GPR162: variants seen among roughly 807,000 people sequenced by gnomAD.
GPR162 encodes G protein-coupled receptor 162.
GPR162 carries 26 observed loss-of-function variants against 44.9 expected under a neutral mutation model. That is an observed-to-expected ratio of 0.58 (90% CI 0.42 to 0.80). The LOEUF is 0.80. Ranked by LOEUF, GPR162 falls within the 30% of genes least tolerant of loss-of-function variation. The probability of loss-of-function intolerance (pLI) is 0.00; values close to 1 mark genes in which losing one functional copy is unlikely to be tolerated. For missense variants in GPR162, 704 were observed against 802.3 expected (o/e 0.88, Z 1.48); for synonymous variants, 363 against 335.2 (o/e 1.08, Z -0.91).
chr12:6,826,531 C>T, intron 4 of GPR162, 122 bp from the exon 5 acceptor site: 2 of 1,115,642 alleles, frequency 1.8e-6, no homozygotes, highest in Non-Finnish European at 2.5e-6. Flanking sequence ...GCCAGGTTTG[C>T]CCACCGGAGC....
In GPR162 at chr12:6,823,660, G is replaced by A. The variant is rs909547583; in HGVS notation, c.-239G>A. On this transcript the variant is annotated 5_prime_UTR_variant, in exon 2 of 5. Transcript: ENST00000311268. ...TGCAGGGATGCTTAAGGAAGGCCCC[G>A]CCCAGTATGAAAGCTGAGGATTGCC... The A allele has an allele frequency of 4.2e-5, 48 of 1,133,918 alleles. No homozygotes were observed. Among genetic ancestry groups the A allele is most frequent in the South Asian group, 4.1e-4 (29 of 69,918 alleles). 70.2% of individuals were successfully genotyped at this position (1,133,918 alleles called of 1,614,324 possible). A position where few individuals can be genotyped will look rare whatever the true frequency, so the allele number is the denominator to read the frequency against.
intron 4 of GPR162, 139 bp from the exon 5 acceptor site, chr12:6,826,514 T>G: frequency 9.4e-7 from 1 of 1,068,022 alleles, no homozygotes; most frequent in Non-Finnish European, 1.3e-6. Context: ...CCTTCAGACC[T>G]CGTGGGGCCA....
rs782197731 is a variant in GPR162 at position 6,825,606 on chromosome 12, C to T, written c.990C>T (p.Tyr330=). ...CCTTCATCTGGTCCTGCGAGCGCTA[C>T]CGCGCCGACGTGCGCACAGTGTGGG... ...LPSFIWSCER[Y]RADVRTVWEQ... Residue 330 remains tyrosine, a synonymous_variant, in exon 3 of 5, where the codon TAC becomes TAT. Transcript: ENST00000311268. The T allele has an allele frequency of 3.1e-6, 5 of 1,596,402 alleles. No homozygotes were observed. Among genetic ancestry groups the T allele is most frequent in the Middle Eastern group, 3.3e-4 (2 of 6,052 alleles).
intron 2 of GPR162, chr12:6,825,034 A>T: frequency 1.5e-6 from 1 of 655,866 alleles, no homozygotes. Flanking sequence ...CAGTTCCACG[A>T]CCTGTCCTCC....
At chr12:6,825,096 CA>C (rs1296613416) in intron 2 of GPR162, 1 of 568,502 alleles carries the variant, frequency 1.8e-6, no homozygotes, top group Non-Finnish European at 3.2e-6. Flanking sequence ...ACCTCTCATC[CA>C]GCCGCTGGGC....
rs571939427 is a variant in GPR162, at chr12:6,822,712, GCTCC to G, written c.-431-739_-431-736del. On this transcript the variant is annotated intron_variant, in intron 1 of 4. Transcript: ENST00000311268. The surrounding 1 kb of genome is among the most constrained non-coding windows in gnomAD (Gnocchi z 4.2). ...TTTTCTTCTCAGCCTCCTATTCCCT[GCTCC>G]CTCCCTCCCTCCCTCCTCCAGTCCC... Among the ~76,000 whole-genome samples, 257 of 151,826 alleles carry G rather than the reference GCTCC, an allele frequency of 1.7e-3. 1 individual carries two copies. In the South Asian group the frequency reaches 0.027, roughly 16 times the overall value.
At position 6,825,754 on chromosome 12, in the gene GPR162, G is replaced by A. The variant is rs782274118; in HGVS notation, c.1057+81G>A. On this transcript the variant is annotated intron_variant, in intron 3 of 4. Coordinates refer to ENST00000311268, the MANE Select transcript of GPR162 (RefSeq NM_019858.2). ...GCCGCTCCTTCTCAGCCAGAGGATGGGCTGCCCTGGAGTGCCCCCTACTGG... is the reference window on the plus strand; with the variant it reads ...GCCGCTCCTTCTCAGCCAGAGGATGAGCTGCCCTGGAGTGCCCCCTACTGG... 1.5e-5 allele frequency: 19 copies of A among 1,296,328 alleles called. No homozygotes were observed. The African/African-American group carries it at 2.3e-4, about 16-fold the overall frequency. The allele number at this position is 1,296,328 out of a possible 1,614,324, so 80.3% of individuals were successfully genotyped here.
At position 6,823,715 on chromosome 12, in the gene GPR162, C is replaced by A. The variant is rs901062011; in HGVS notation, c.-184C>A. ...CTGACCCTCAGTCTCCTCCCCTGCC[C>A]TCTACATCTGCCCTCAGCTGGGTCC... On this transcript the variant is annotated 5_prime_UTR_variant, in exon 2 of 5. Coordinates refer to ENST00000311268, the MANE Select transcript of GPR162 (RefSeq NM_019858.2). 1.3e-6 allele frequency: 2 copies of A among 1,599,024 alleles called. No individual in the cohort carries two copies. The highest frequency in any genetic ancestry group is 1.7e-6 in the Non-Finnish European group (2 of 1,167,920).
rs981322690 is a variant in GPR162, at chr12:6,822,396, T to C, written c.-432+496T>C. Among the ~76,000 whole-genome samples, 2 of 152,180 alleles carry C rather than the reference T, an allele frequency of 1.3e-5. No individual in the cohort carries two copies. The highest frequency in any genetic ancestry group is 2.9e-5 in the Non-Finnish European group (2 of 68,018). The stretch of plus-strand genomic sequence containing the variant: ...AAGGGTGGGGGTGGACCAGGACCTC[T>C]TGGGGAAAGCAAGGGTCTGAGCTGC... On this transcript the variant is annotated intron_variant, in intron 1 of 4. Transcript: ENST00000311268. The surrounding 1 kb of genome is among the most constrained non-coding windows in gnomAD (Gnocchi z 4.2).
At position 6,822,924 on chromosome 12, in the gene GPR162, C is replaced by G. The variant is rs952639236; in HGVS notation, c.-431-544C>G. ...CCCGCCTTCAGGTTCCCTAGCACCC[C>G]CTTCGGTCCCAGACTCCTTTCTCCC... is the stretch of plus-strand genomic sequence containing the variant. On this transcript the variant is annotated intron_variant, in intron 1 of 4. Transcript: ENST00000311268. The surrounding 1 kb of genome is among the most constrained non-coding windows in gnomAD (Gnocchi z 4.2). Among the ~76,000 whole-genome samples, 2 of 152,214 alleles carry G rather than the reference C, an allele frequency of 1.3e-5. No homozygotes were observed. Among genetic ancestry groups the G allele is most frequent in the East Asian group, 3.8e-4 (2 of 5,198 alleles).
rs140533085 is a variant in GPR162, at chr12:6,822,661, A to T, written c.-432+761A>T. Among the ~76,000 whole-genome samples the T allele has an allele frequency of 1.0e-3, 152 of 152,126 alleles. No homozygotes were observed. Among genetic ancestry groups the T allele is most frequent in the Non-Finnish European group, 1.7e-3 (115 of 67,990 alleles). On this transcript the variant is annotated intron_variant, in intron 1 of 4. Transcript: ENST00000311268. This position sits in a 1 kb window ranked among gnomAD's most constrained non-coding sequence, Gnocchi z 4.2. ...GAAGAGTCAAGGTCTCCCCACGGGG[A>T]GTCAGCACCTTATTGAACATTTGGC... is the stretch of plus-strand genomic sequence containing the variant.
In GPR162 at chr12:6,824,097, C is replaced by T. The variant is rs782116355; in HGVS notation, c.199C>T (p.Leu67Phe). 1.2e-6 allele frequency: 2 copies of T among 1,613,938 alleles called. No individual in the cohort carries two copies. The highest frequency in any genetic ancestry group is 3.3e-5 in the Admixed American group (2 of 60,020). Residue 67 changes from leucine (L) to phenylalanine (F), a missense_variant, in exon 2 of 5, where the codon CTC (leucine) becomes TTC (phenylalanine). By Grantham distance (22) the Leu-to-Phe change is conservative (BLOSUM62 0). Coordinates refer to ENST00000311268, the MANE Select transcript of GPR162 (RefSeq NM_019858.2). ...ACACATACTCATGGCAGCTGTGCCC[C>T]TCACCACCTTTGCCGTGGTGCAGCT... is the stretch of plus-strand genomic sequence containing the variant. Reference protein sequence around the residue: ...GTHILMAAVPLTTFAVVQLRR... With the variant: ...GTHILMAAVPFTTFAVVQLRR...
In GPR162 at chr12:6,825,257, C is replaced by T. The variant is rs555079654; in HGVS notation, c.868-227C>T. ...TACGGTTCCTGGTCCACCTCTGTTC[C>T]TCTCCCTCCTGACCGCAGGGCTTTG... is the stretch of plus-strand genomic sequence containing the variant. On this transcript the variant is annotated intron_variant, in intron 2 of 4. Coordinates refer to ENST00000311268, the MANE Select transcript of GPR162 (RefSeq NM_019858.2). 4.8e-5 allele frequency: 28 copies of T among 589,082 alleles called. 1 individual carries two copies. Among genetic ancestry groups the T allele is most frequent in the Non-Finnish European group, 6.7e-5 (22 of 330,618 alleles). The allele number at this position is 589,082 out of a possible 1,614,324, so 36.5% of individuals were successfully genotyped here.
chr12:6,827,319 G>A lies in GPR162; in HGVS notation c.*115G>A, dbSNP rs782762507. On this transcript the variant is annotated 3_prime_UTR_variant, in exon 5 of 5. Coordinates refer to ENST00000311268, the MANE Select transcript of GPR162 (RefSeq NM_019858.2). ...TGGGGAGACGGGCGCTAGATTTGGG[G>A]CTCAGAAGGCCCTGCTCTCTCCCAT... The A allele has an allele frequency of 1.1e-5, 9 of 811,766 alleles. No homozygotes were observed. The highest frequency in any genetic ancestry group is 1.7e-5 in the Non-Finnish European group (9 of 521,872). The allele number at this position is 811,766 out of a possible 1,614,324, so 50.3% of individuals were successfully genotyped here.
In GPR162 at chr12:6,825,604, T is replaced by C; in HGVS notation, c.988T>C (p.Tyr330His). 2 of 1,597,872 alleles carry C rather than the reference T, an allele frequency of 1.3e-6. No individual in the cohort carries two copies. Among genetic ancestry groups the C allele is most frequent in the South Asian group, 1.1e-5 (1 of 88,306 alleles). Reference sequence around the variant, plus strand: ...CTCCTTCATCTGGTCCTGCGAGCGCTACCGCGCCGACGTGCGCACAGTGTG... The same window carrying C: ...CTCCTTCATCTGGTCCTGCGAGCGCCACCGCGCCGACGTGCGCACAGTGTG... ...LPSFIWSCER[Y>H]RADVRTVWEQ... is the part of the protein sequence containing the mutation. Residue 330 changes from tyrosine (Y) to histidine (H), a missense_variant, in exon 3 of 5, where the codon TAC becomes CAC. Physicochemically the swap from Tyr to His is moderately conservative, Grantham distance 83 (BLOSUM62 2). Transcript: ENST00000311268.
At chr12:6,823,440 C>T (rs1366227840) in intron 1 of GPR162, 28 bp from the exon 2 acceptor site, 4 of 379,504 alleles carry the variant, frequency 1.1e-5, no homozygotes, top group Non-Finnish European at 1.9e-5. Flanking sequence ...TTGCCCTCTC[C>T]CTCCCACATC....
In GPR162 at chr12:6,826,328, C is replaced by T. The variant is rs150020533; in HGVS notation, c.1190C>T (p.Pro397Leu). 1.7e-5 allele frequency: 28 copies of T among 1,613,430 alleles called. No individual in the cohort carries two copies. The highest frequency in any genetic ancestry group is 8.3e-5 in the Admixed American group (5 of 59,978). ...LLPGRHMLFP[P>L]LERVHYLQVP... ...CCTGGAAGGCACATGCTCTTCCCTC[C>T]TCTTGAGAGAGTCCACTACTTACAG... Residue 397 changes from proline (P) to leucine (L), a missense_variant, in exon 4 of 5, where the codon CCT becomes CTT. Physicochemically the swap from Pro to Leu is moderately conservative, Grantham distance 98. Transcript: ENST00000311268.
Position 6,823,669 on chromosome 12 carries a change from G to T in GPR162, c.-230G>T. The T allele has an allele frequency of 8.0e-7, 1 of 1,253,478 alleles. No individual in the cohort carries two copies. The highest frequency in any genetic ancestry group is 1.3e-5 in the South Asian group (1 of 75,332). The allele number at this position is 1,253,478 out of a possible 1,614,324, so 77.6% of individuals were successfully genotyped here. On this transcript the variant is annotated 5_prime_UTR_variant, in exon 2 of 5. The change abolishes an upstream ATG in the 5' untranslated region. Transcript: ENST00000311268. ...GCTTAAGGAAGGCCCCGCCCAGTAT[G>T]AAAGCTGAGGATTGCCTCTGCTGAC...
In GPR162 at chr12:6,824,365, G is replaced by T; in HGVS notation, c.467G>T (p.Trp156Leu). 1.2e-6 allele frequency: 2 copies of T among 1,614,190 alleles called. No individual in the cohort carries two copies. The highest frequency in any genetic ancestry group is 8.5e-7 in the Non-Finnish European group (1 of 1,180,034). ...FILSTLPSIGWHNNGERYYAR... is the reference protein window; with the variant it reads ...FILSTLPSIGLHNNGERYYAR... Reference sequence around the variant, plus strand: ...CTCTCCACACTGCCCTCCATTGGCTGGCACAACAACGGCGAGCGCTACTAT... The same window carrying T: ...CTCTCCACACTGCCCTCCATTGGCTTGCACAACAACGGCGAGCGCTACTAT... The change falls in exon 2 of 5, where the codon TGG becomes TTG. Residue 156 changes from tryptophan (W) to leucine (L), a missense_variant. Physicochemically the swap from Trp to Leu is moderately conservative, Grantham distance 61. Around this residue, in one of 6 missense-constraint regions of GPR162, gnomAD observed 110 missense variants for 206.2 expected, o/e 0.53. Transcript: ENST00000311268.
Sources: gnomAD v4.1 joint callset for allele counts (sites outside exome capture counted in the v4.1 genomes callset) on GRCh38, gnomAD v4.1.1 for gene constraint, gnomAD v4.1.1 regional missense constraint, Gnocchi (gnomAD v3.1) non-coding constraint, MANE v1.5 for transcripts, NCBI Gene and HGNC (gene_info 2026-07-23, HGNC 2026-07-21) for gene names.